ISM1: variants seen among roughly 807,000 people sequenced by gnomAD.
The protein encoded by ISM1 is isthmin 1, also known as isthmin-1.
A neutral mutation model predicts 46.3 loss-of-function variants in ISM1; 25 were observed. That is an observed-to-expected ratio of 0.54 (90% CI 0.39 to 0.75). The LOEUF (loss-of-function observed/expected upper bound fraction) is 0.75. Ranked by LOEUF, ISM1 falls within the 30% of genes least tolerant of loss-of-function variation. The probability of loss-of-function intolerance (pLI) is 0.00; values close to 1 mark genes in which losing one functional copy is unlikely to be tolerated. For missense variants in ISM1, 536 were observed against 625.4 expected (o/e 0.86, Z 1.52); for synonymous variants, 255 against 256.7 (o/e 0.99, Z 0.06).
intron 2 of ISM1, 44 bp from the exon 3 acceptor site, chr20:13,279,590 G>T: frequency 6.4e-7 from 1 of 1,572,746 alleles, no homozygotes; most frequent in Non-Finnish European, 8.7e-7. Flanking sequence ...TAGCTTGGAG[G>T]CTGTTGACTC....
chr20:13,316,478 A>G, the ISM1 span, among the ~76,000 whole-genome samples: 10 of 152,040 alleles, frequency 6.6e-5, no homozygotes, highest in South Asian at 2.1e-3. Context: ...AACCAGACAA[A>G]GCTATTACAA....
intron 2 of ISM1, among the ~76,000 whole-genome samples, chr20:13,274,689 C>T (rs1200108636): frequency 6.6e-6 from 1 of 151,866 alleles, no homozygotes; most frequent in Non-Finnish European, 1.5e-5. Flanking sequence ...GCGCCCGGCC[C>T]CCGGGCCTCT....
intron 1 of ISM1, among the ~76,000 whole-genome samples, chr20:13,229,809 C>G (rs560001514): frequency 5.9e-4 from 90 of 152,290 alleles, no homozygotes; most frequent in African/African-American, 2.1e-3. Context: ...TTGGTTGCCA[C>G]TTGTTTCATA....
the ISM1 span, among the ~76,000 whole-genome samples, chr20:13,322,878 C>T: frequency 8.5e-5 from 13 of 152,168 alleles, no homozygotes; most frequent in Admixed American, 2.0e-4. Flanking sequence ...CTCCCCACCC[C>T]CGCTGCCCTG....
chr20:13,322,576 C>T, the ISM1 span, among the ~76,000 whole-genome samples: 2 of 152,206 alleles, frequency 1.3e-5, no homozygotes, highest in Admixed American at 6.5e-5. Flanking sequence ...AAGAGGAAGA[C>T]GTGCTCTATT....
chr20:13,271,772 T>C (rs1483340718), intron 2 of ISM1, among the ~76,000 whole-genome samples: 1 of 152,156 alleles, frequency 6.6e-6, no homozygotes, highest in Non-Finnish European at 1.5e-5. Flanking sequence ...CGTCCTCATA[T>C]GCCTGCTTCC....
intron 1 of ISM1, among the ~76,000 whole-genome samples, chr20:13,243,680 C>T (rs1262262488): frequency 6.6e-6 from 1 of 152,104 alleles, no homozygotes; most frequent in Non-Finnish European, 1.5e-5. Context: ...TTCACTAATG[C>T]CAAAACCTAG....
chr20:13,302,120 T>TA, downstream of ISM1, among the ~76,000 whole-genome samples: 1 of 152,220 alleles, frequency 6.6e-6, no homozygotes, highest in South Asian at 2.1e-4. Context: ...AAGGTATTTT[T>TA]GTTAAGGATT....
intron 1 of ISM1, among the ~76,000 whole-genome samples, chr20:13,264,445 ATTT>A (rs771854720): frequency 4.6e-5 from 7 of 152,072 alleles, no homozygotes; most frequent in Non-Finnish European, 8.8e-5. Context: ...TGCTTAGCAC[ATTT>A]TTTCCAAAAG....
chr20:13,234,191 C>G (rs2039622246), intron 1 of ISM1, among the ~76,000 whole-genome samples: 1 of 152,100 alleles, frequency 6.6e-6, no homozygotes, highest in South Asian at 2.1e-4. Flanking sequence ...TGTTTAGCCC[C>G]CACTTATAAG....
Position 13,237,212 on chromosome 20 carries a change from T to G in ISM1, c.138+15298T>G, listed in dbSNP as rs2039661426. ...TGGGGACACAGCCAACATATCAACA[T>G]GCCCTTGGCCCAGCAATTCCACCTG... is the stretch of plus-strand genomic sequence containing the variant. On this transcript the variant is annotated intron_variant, in intron 1 of 5. Transcript: ENST00000262487. Among the ~76,000 whole-genome samples, 3 of 152,330 alleles carry G rather than the reference T, an allele frequency of 2.0e-5. No homozygotes were observed. The South Asian group carries it at 6.2e-4, about 32-fold the overall frequency.
At chr20:13,317,211 G>A in the ISM1 span, among the ~76,000 whole-genome samples, 1 of 118,294 alleles carries the variant, frequency 8.5e-6, no homozygotes, top group African/African-American at 3.2e-5. Context: ...AAATCCTTAG[G>A]TATAAACCTA....
At position 13,268,347 on chromosome 20, in the gene ISM1, CCTCTCTCTCTCTCTCTCTCTCTCTCT is replaced by C. The variant is rs3041816; in HGVS notation, c.139-2125_139-2100del. Among the ~76,000 whole-genome samples the C allele has an allele frequency of 3.0e-3, 197 of 66,674 alleles. 3 individuals carry two copies. The highest frequency in any genetic ancestry group is 0.01 in the Admixed American group (61 of 5,856). 43.7% of individuals were successfully genotyped at this position (66,674 alleles called of 152,430 possible). A position where few individuals can be genotyped will look rare whatever the true frequency, so the allele number is the denominator to read the frequency against. ...TCTCTTTCTCCTTCTCCTTCTTCTT[CCTCTCTCTCTCTCTCTCTCTCTCTCT>C]CTCTCTCTCTCTCTCTCTCTCTCTC... On this transcript the variant is annotated intron_variant, in intron 1 of 5. Coordinates refer to ENST00000262487, the MANE Select transcript of ISM1 (RefSeq NM_080826.2).
intron 3 of ISM1, among the ~76,000 whole-genome samples, chr20:13,286,151 C>G (rs536802521): frequency 6.6e-6 from 1 of 152,142 alleles, no homozygotes; most frequent in Non-Finnish European, 1.5e-5. Context: ...TTCCCTTTAA[C>G]AAAATCTGGC....
At chr20:13,307,962 G>A in the ISM1 span, among the ~76,000 whole-genome samples, 3 of 152,178 alleles carry the variant, frequency 2.0e-5, no homozygotes, top group African/African-American at 7.2e-5. Flanking sequence ...AGGTCATAGG[G>A]CATGCACAGC....
chr20:13,266,322 AAGTT>A (rs1288343029), intron 1 of ISM1, among the ~76,000 whole-genome samples: 2 of 152,334 alleles, frequency 1.3e-5, no homozygotes, highest in African/African-American at 4.8e-5. Flanking sequence ...TGTTTTTGAT[AAGTT>A]CTAAAATAAT....
intron 1 of ISM1, among the ~76,000 whole-genome samples, chr20:13,248,092 G>A (rs8121222): frequency 7.6e-4 from 116 of 152,286 alleles, no homozygotes; most frequent in African/African-American, 2.4e-3. Context: ...CCAAAAGTGC[G>A]GAAGAAATGA....
At chr20:13,277,632 T>TC (rs1043627574) in intron 2 of ISM1, among the ~76,000 whole-genome samples, 2 of 140,828 alleles carry the variant, frequency 1.4e-5, no homozygotes, top group Non-Finnish European at 3.0e-5. Context: ...TTTCTTTTCT[T>TC]CCCCCCTACC....
chr20:13,310,495 T>C, the ISM1 span, among the ~76,000 whole-genome samples: 2 of 150,746 alleles, frequency 1.3e-5, no homozygotes, highest in African/African-American at 4.9e-5. Context: ...GGAAAAAAAA[T>C]GTATTGACAT....
Sources: allele counts gnomAD v4.1 joint callset (sites outside exome capture counted in the v4.1 genomes callset), GRCh38; gene constraint gnomAD v4.1.1; transcripts MANE v1.5; gene names NCBI Gene and HGNC (gene_info 2026-07-23, HGNC 2026-07-21).